Variants in DIXDC1 observed in about 807,000 individuals in gnomAD.
DIXDC1 encodes DIX domain containing 1.
A neutral mutation model predicts 103.1 loss-of-function variants in DIXDC1; 64 were observed. The observed-to-expected ratio is 0.62, with a 90% CI of 0.51 to 0.76. DIXDC1 has a LOEUF of 0.76. Among genes scored for constraint, DIXDC1 ranks in the 30% least tolerant of loss-of-function variants. The pLI is 0.00. For synonymous variants in DIXDC1, 266 were observed against 298.5 expected, an observed-to-expected ratio of 0.89 and a Z score of 1.12; for missense variants, 759 against 834.2, an observed-to-expected ratio of 0.91 and a Z score of 1.11.
In DIXDC1 at chr11:111,950,438, A is replaced by ATATGTAT. The variant is rs1566474004; in HGVS notation, c.60+12880_60+12881insATGTATT. ...TATATATATATATATATATATATAT[A>ATATGTAT]TTTTTTTTTTTTTTTTTTTTTTTTT... On this transcript the variant is annotated intron_variant, in intron 1 of 19. Coordinates refer to ENST00000440460, the MANE Select transcript of DIXDC1 (RefSeq NM_001037954.4). 1.3e-4 allele frequency among the ~76,000 whole-genome samples: 2 copies of ATATGTAT among 15,164 alleles called. 1 individual carries two copies. The highest frequency in any genetic ancestry group is 4.5e-4 in the African/African-American group (2 of 4,414). The allele number at this position is 15,164 out of a possible 152,430, so 9.9% of individuals were successfully genotyped here. A position where few individuals can be genotyped will look rare whatever the true frequency, so the allele number is the denominator to read the frequency against.
intron 17 of DIXDC1, among the ~76,000 whole-genome samples, chr11:112,014,948 G>A (rs587660550): frequency 1.3e-5 from 2 of 151,398 alleles, no homozygotes; most frequent in African/African-American, 2.4e-5. Context: ...GCAGTGGCTC[G>A]ATCTCGGCTC....
rs190962412 is a variant in DIXDC1, at chr11:111,986,955, A to T, written c.1062+31A>T. The T allele has an allele frequency of 1.2e-5, 19 of 1,550,294 alleles. No individual in the cohort carries two copies. The East Asian group carries it at 4.6e-4, about 37-fold the overall frequency. Reference sequence around the variant, plus strand: ...TCAAGACATGTACATTTTACCCCTTAAAAACATTATGGGGGCCAGGCACGG... The same window carrying T: ...TCAAGACATGTACATTTTACCCCTTTAAAACATTATGGGGGCCAGGCACGG... On this transcript the variant is annotated intron_variant, in intron 9 of 19. Transcript: ENST00000440460.
chr11:112,000,479 A>ACC (rs1476681084), intron 17 of DIXDC1, among the ~76,000 whole-genome samples: 1 of 152,030 alleles, frequency 6.6e-6, no homozygotes, highest in African/African-American at 2.4e-5. Context: ...TGGGCAGATC[A>ACC]TGAGGTCAGG....
In DIXDC1 at chr11:112,017,290, C is replaced by T. The variant is rs1487389030; in HGVS notation, c.1863-487C>T. ...AAATAGAAATATTTAAACTCTGCAA[C>T]CAACTATTGAGAGAGGTTATAGGAT... On this transcript the variant is annotated intron_variant, in intron 18 of 19. Transcript: ENST00000440460. This position sits in a 1 kb window ranked among gnomAD's most constrained non-coding sequence, Gnocchi z 4.0. Among the ~76,000 whole-genome samples the T allele has an allele frequency of 2.0e-5, 3 of 152,092 alleles. No homozygotes were observed. The highest frequency in any genetic ancestry group is 4.4e-5 in the Non-Finnish European group (3 of 68,020).
chr11:112,012,397 TA>T (rs1445275551), intron 17 of DIXDC1, among the ~76,000 whole-genome samples: 3 of 152,164 alleles, frequency 2.0e-5, no homozygotes, highest in African/African-American at 7.2e-5. Flanking sequence ...AGCATAGAGT[TA>T]AAAATAGACA....
At chr11:111,950,440 T>TATATATATATATA (rs1566474109) in intron 1 of DIXDC1, among the ~76,000 whole-genome samples, 1 of 7,240 alleles carries the variant, frequency 1.4e-4, no homozygotes, top group Non-Finnish European at 2.5e-4. Context: ...ATATATATAT[T>TATATATATATATA]TTTTTTTTTT....
chr11:111,943,541 C>T (rs1366348052), intron 1 of DIXDC1, among the ~76,000 whole-genome samples: 1 of 145,698 alleles, frequency 6.9e-6, no homozygotes, highest in Admixed American at 6.9e-5. Flanking sequence ...GCTCTGTCCC[C>T]TAGGCTGGAG....
chr11:111,980,620 C>A, intron 5 of DIXDC1, 117 bp from the exon 6 acceptor site: 1 of 697,866 alleles, frequency 1.4e-6, no homozygotes, highest in South Asian at 2.0e-5. Context: ...ACTGTGTTAC[C>A]CATGGAGGAG....
Position 112,022,576 on chromosome 11 carries a change from C to A in DIXDC1, c.*3540C>A, listed in dbSNP as rs1054519556. On this transcript the variant is annotated 3_prime_UTR_variant, in exon 20 of 20. Transcript: ENST00000440460. The surrounding 1 kb of genome is among the most constrained non-coding windows in gnomAD (Gnocchi z 4.9). ...CAAACTATGAATAAAATGGGGTTTG[C>A]AAACTAAATATCATTAATGATTTTC... The A allele has an allele frequency of 6.6e-6, 1 of 152,592 alleles. No individual in the cohort carries two copies. Among genetic ancestry groups the A allele is most frequent in the African/African-American group, 2.4e-5 (1 of 41,428 alleles). The allele number at this position is 152,592 out of a possible 1,614,324, so 9.5% of individuals were successfully genotyped here.
chr11:111,946,676 C>T (rs1281978184), intron 1 of DIXDC1: 7 of 296,222 alleles, frequency 2.4e-5, no homozygotes, highest in Admixed American at 7.2e-5. Flanking sequence ...GTTTTTTTTC[C>T]TTTGTTTATT....
rs1555173934 is a variant in DIXDC1, at chr11:111,986,943, A to C, written c.1062+19A>C. The C allele has an allele frequency of 2.6e-6, 4 of 1,560,086 alleles. No homozygotes were observed. The highest frequency in any genetic ancestry group is 3.5e-6 in the Non-Finnish European group (4 of 1,150,124). On this transcript the variant is annotated intron_variant, in intron 9 of 19. Coordinates refer to ENST00000440460, the MANE Select transcript of DIXDC1 (RefSeq NM_001037954.4). ...CTTAAAGGTATGTCAAGACATGTAC[A>C]TTTTACCCCTTAAAAACATTATGGG...
chr11:111,995,148 A>C (rs371954304), intron 15 of DIXDC1, 40 bp downstream of exon 15: 15 of 1,595,858 alleles, frequency 9.4e-6, no homozygotes, highest in African/African-American at 1.3e-5. Flanking sequence ...GCCACTTCTC[A>C]CTGAAACCAG....
chr11:111,949,786 C>T (rs587746770), intron 1 of DIXDC1, among the ~76,000 whole-genome samples: 1 of 152,320 alleles, frequency 6.6e-6, no homozygotes, highest in South Asian at 2.1e-4. Context: ...TTCCTCCTTC[C>T]ATCACCTCTG....
intron 17 of DIXDC1, among the ~76,000 whole-genome samples, chr11:112,007,853 A>G (rs1555176770): frequency 6.6e-6 from 1 of 152,148 alleles, no homozygotes; most frequent in African/African-American, 2.4e-5. Flanking sequence ...CTGCAAAAAC[A>G]TGCCAAATTG....
Position 111,977,721 on chromosome 11 carries a change from C to T in DIXDC1, c.656+2738C>T. 6.4e-7 allele frequency: 1 copy of T among 1,551,550 alleles called. No individual in the cohort carries two copies. Among genetic ancestry groups the T allele is most frequent in the Non-Finnish European group, 8.7e-7 (1 of 1,147,314 alleles). On this transcript the variant is annotated intron_variant, in intron 5 of 19. Transcript: ENST00000440460. This position sits in a 1 kb window ranked among gnomAD's most constrained non-coding sequence, Gnocchi z 6.1. ...GGGAGCGATGTGACTCTCAGCCTCCCACTTCACCCGGGGACGCAGGCTTGC... is the reference window on the plus strand; with the variant it reads ...GGGAGCGATGTGACTCTCAGCCTCCTACTTCACCCGGGGACGCAGGCTTGC...
chr11:111,984,269 C>T (rs587738185), intron 7 of DIXDC1, among the ~76,000 whole-genome samples: 7 of 152,216 alleles, frequency 4.6e-5, no homozygotes, highest in African/African-American at 2.4e-5. Flanking sequence ...GTATAGGCAA[C>T]GCATGGTGGG....
intron 1 of DIXDC1, among the ~76,000 whole-genome samples, chr11:111,940,506 G>A (rs1966382637): frequency 6.6e-6 from 1 of 152,052 alleles, no homozygotes. Context: ...TTGTAAATGT[G>A]CCAATATGGA....
intron 17 of DIXDC1, among the ~76,000 whole-genome samples, chr11:111,997,824 T>C (rs1387602450): frequency 6.6e-6 from 1 of 152,240 alleles, no homozygotes; most frequent in Non-Finnish European, 1.5e-5. Flanking sequence ...GTTAATCTAA[T>C]GCTTCCAGTG....
intron 1 of DIXDC1, among the ~76,000 whole-genome samples, chr11:111,947,433 A>G (rs1966634125): frequency 6.6e-6 from 1 of 152,228 alleles, no homozygotes; most frequent in Admixed American, 6.5e-5. Flanking sequence ...GGCTTGCCCC[A>G]CAGGCCTCTT....
Sources: gnomAD v4.1 joint callset for allele counts (sites outside exome capture counted in the v4.1 genomes callset) on GRCh38, gnomAD v4.1.1 for gene constraint, Gnocchi (gnomAD v3.1) non-coding constraint, MANE v1.5 for transcripts, NCBI Gene and HGNC (gene_info 2026-07-23, HGNC 2026-07-21) for gene names.